Variants in HOTAIR observed in about 807,000 individuals in gnomAD.
HOTAIR encodes HOX transcript antisense RNA (non-protein coding).
At chr12:53,972,701 G>C (rs1221981034) in intron 1 of HOTAIR, among the ~76,000 whole-genome samples, 1 of 152,186 alleles carries the variant, frequency 6.6e-6, no homozygotes, top group Non-Finnish European at 1.5e-5. Flanking sequence ...TAAGGGAAAG[G>C]ATTCACTTCT....
chr12:53,966,872 T>TGGCGGTG (rs946491251), intron 3 of HOTAIR, among the ~76,000 whole-genome samples: 1 of 152,190 alleles, frequency 6.6e-6, no homozygotes, highest in African/African-American at 2.4e-5. Flanking sequence ...CGACAGCCTT[T>TGGCGGTG]GGCGGTGGGC....
intron 1 of HOTAIR, among the ~76,000 whole-genome samples, chr12:53,969,946 G>A (rs1939120918): frequency 6.6e-6 from 1 of 152,258 alleles, no homozygotes; most frequent in African/African-American, 2.4e-5. Context: ...CTGTGTGCGG[G>A]AGTTTGCTCT....
In HOTAIR at chr12:53,973,118, T is replaced by C. The variant is rs1565713897; in HGVS notation, n.59+1780A>G. ...AACTGATATATGACAATATCTACTT[T>C]GGATCACGTGCTCAGAGAGAGAGAG... is the stretch of plus-strand genomic sequence containing the variant. On this transcript the variant is annotated intron_variant and non_coding_transcript_variant, in intron 1 of 6. Coordinates refer to ENST00000424518, the Ensembl canonical transcript of HOTAIR. This position sits in a 1 kb window ranked among gnomAD's most constrained non-coding sequence, Gnocchi z 4.3. 2.8e-6 allele frequency: 2 copies of C among 712,024 alleles called. No individual in the cohort carries two copies. The highest frequency in any genetic ancestry group is 2.9e-5 in the Admixed American group (1 of 34,156). 44.1% of individuals were successfully genotyped at this position (712,024 alleles called of 1,614,324 possible).
chr12:53,973,974 G>T lies in HOTAIR; in HGVS notation n.59+924C>A. The T allele has an allele frequency of 1.4e-6, 2 of 1,406,038 alleles. No individual in the cohort carries two copies. Among genetic ancestry groups the T allele is most frequent in the Non-Finnish European group, 1.9e-6 (2 of 1,072,308 alleles). The allele number at this position is 1,406,038 out of a possible 1,614,324, so 87.1% of individuals were successfully genotyped here. On this transcript the variant is annotated intron_variant and non_coding_transcript_variant, in intron 1 of 6. Transcript: ENST00000424518. The surrounding 1 kb of genome is among the most constrained non-coding windows in gnomAD (Gnocchi z 4.3). ...GCGGGCAGCGAGGGAGGGAGCGAGA[G>T]AGGGAGGGCGAGAGAAGGGGGGAGG... is the stretch of plus-strand genomic sequence containing the variant.
chr12:53,972,987 C>T, intron 1 of HOTAIR: 1 of 207,186 alleles, frequency 4.8e-6, no homozygotes, highest in African/African-American at 2.4e-5. Flanking sequence ...GAATACAAAT[C>T]TGCAATTGAT....
chr12:53,963,638 G>T (rs577388608), exon 7 of HOTAIR: 2 of 152,396 alleles, frequency 1.3e-5, no homozygotes, highest in African/African-American at 2.4e-5. Flanking sequence ...TGAGATAGAG[G>T]TGCTTGGCCA....
rs1014731103 is a variant in HOTAIR at position 53,972,424 on chromosome 12, G to A, written n.59+2474C>T. On this transcript the variant is annotated intron_variant and non_coding_transcript_variant, in intron 1 of 6. Coordinates refer to ENST00000424518, the Ensembl canonical transcript of HOTAIR. ...AGACTTCGCCAGGCACCGGCTGGGC[G>A]GCTGGCGCACTGCTCACCACTCGTT... Among the ~76,000 whole-genome samples, 14 of 152,208 alleles carry A rather than the reference G, an allele frequency of 9.2e-5. 1 individual carries two copies. Among genetic ancestry groups the A allele is most frequent in the Admixed American group, 6.5e-4 (10 of 15,288 alleles).
At chr12:53,966,049 C>G (rs1010887847) in exon 5 of HOTAIR, 8 of 152,220 alleles carry the variant, frequency 5.3e-5, no homozygotes, top group African/African-American at 1.7e-4. Flanking sequence ...AAACATCAGA[C>G]TCTTTGGGGC....
intron 1 of HOTAIR, among the ~76,000 whole-genome samples, chr12:53,969,592 A>G (rs980233335): frequency 1.6e-4 from 25 of 152,334 alleles, no homozygotes; most frequent in African/African-American, 5.8e-4. Flanking sequence ...GAAAATCCCA[A>G]AGCATACTAA....
At chr12:53,963,952 G>T (rs912632199) in exon 7 of HOTAIR, 1 of 128,510 alleles carries the variant, frequency 7.8e-6, no homozygotes, top group Non-Finnish European at 1.8e-5. Context: ...GTGAGTGCCC[G>T]TCTTGCCCTC....
intron 1 of HOTAIR, among the ~76,000 whole-genome samples, chr12:53,972,937 T>A (rs887475282): frequency 7.1e-6 from 1 of 140,578 alleles, no homozygotes; most frequent in Non-Finnish European, 1.6e-5. Context: ...CCTTTGCTCG[T>A]GCTGTGGTAT....
chr12:53,970,308 A>G (rs903268890), intron 1 of HOTAIR, among the ~76,000 whole-genome samples: 4 of 152,190 alleles, frequency 2.6e-5, no homozygotes, highest in East Asian at 3.9e-4. Context: ...GCTCCTGTAC[A>G]GGGAGGTATT....
In HOTAIR at chr12:53,973,800, T is replaced by A; in HGVS notation, n.59+1098A>T. 1.3e-6 allele frequency: 2 copies of A among 1,586,394 alleles called. No homozygotes were observed. The highest frequency in any genetic ancestry group is 1.7e-6 in the Non-Finnish European group (2 of 1,167,772). ...GGGGGAGCCCGAGGCACCCCCGGCC[T>A]CGGGACTGGCGTCCCGGGCTGAGGC... On this transcript the variant is annotated intron_variant and non_coding_transcript_variant, in intron 1 of 6. Transcript: ENST00000424518. This position sits in a 1 kb window ranked among gnomAD's most constrained non-coding sequence, Gnocchi z 4.3.
chr12:53,973,677 G>A lies in HOTAIR; in HGVS notation n.59+1221C>T. 6.2e-7 allele frequency: 1 copy of A among 1,613,688 alleles called. No homozygotes were observed. Among genetic ancestry groups the A allele is most frequent in the South Asian group, 1.1e-5 (1 of 91,082 alleles). On this transcript the variant is annotated intron_variant and non_coding_transcript_variant, in intron 1 of 6. Transcript: ENST00000424518. This position sits in a 1 kb window ranked among gnomAD's most constrained non-coding sequence, Gnocchi z 4.3. ...CTACTCCTCAGTCAACAAGAACAGC[G>A]TCCTGCCTCAAGCCTTCGACCGTTT...
chr12:53,974,545 G>A (rs943423131), intron 1 of HOTAIR, among the ~76,000 whole-genome samples: 30 of 152,148 alleles, frequency 2.0e-4, no homozygotes, highest in Admixed American at 7.8e-4. Flanking sequence ...CAGGGGAATG[G>A]GGCGAGGCGG....
chr12:53,972,447 G>A (rs569462070), intron 1 of HOTAIR, among the ~76,000 whole-genome samples: 17 of 152,292 alleles, frequency 1.1e-4, no homozygotes, highest in South Asian at 2.1e-4. Context: ...CTCACCACTC[G>A]TTTATGACTA....
intron 1 of HOTAIR, among the ~76,000 whole-genome samples, chr12:53,969,523 C>A (rs566186248): frequency 1.3e-5 from 2 of 152,202 alleles, no homozygotes; most frequent in African/African-American, 2.4e-5. Context: ...CAGTCCCACC[C>A]GCTTCTTGTT....
chr12:53,974,070 G>T (rs1200270567), intron 1 of HOTAIR: 3 of 612,090 alleles, frequency 4.9e-6, no homozygotes, highest in Non-Finnish European at 7.8e-6. Flanking sequence ...AGCATTCAAA[G>T]GATTTTATTA....
exon 7 of HOTAIR, chr12:53,963,752 G>A (rs1177678547): frequency 6.6e-6 from 1 of 152,206 alleles, no homozygotes; most frequent in South Asian, 2.1e-4. Flanking sequence ...GGCCCGGTGT[G>A]GGGCAGTGGC....
Sources: gnomAD v4.1 joint callset for allele counts (sites outside exome capture counted in the v4.1 genomes callset) on GRCh38, gnomAD v4.1.1 for gene constraint, Gnocchi (gnomAD v3.1) non-coding constraint, MANE v1.5 for transcripts, NCBI Gene and HGNC (gene_info 2026-07-23, HGNC 2026-07-21) for gene names.